The following EXTL3 variants were observed in gnomAD, a reference collection of about 807,000 sequenced individuals.
The protein encoded by EXTL3 is exostosin-like 3.
Under a neutral mutation model 69.3 loss-of-function variants are expected in EXTL3, and 27 were observed. The ratio of observed to expected loss-of-function variants is 0.39; its 90% CI spans 0.29 to 0.54. The LOEUF (loss-of-function observed/expected upper bound fraction) is 0.54, where lower values mean the gene tolerates loss of function less well. Ranked by LOEUF, EXTL3 falls within the 20% of genes least tolerant of loss-of-function variation. EXTL3 has a pLI of 0.69. For synonymous variants in EXTL3, 511 were observed against 499.4 expected (o/e 1.02, Z -0.31); for missense variants, 1,003 against 1,231.8 (o/e 0.81, Z 2.78).
At chr8:28,646,291 G>A (rs2130594194) in intron 1 of EXTL3, among the ~76,000 whole-genome samples, 1 of 152,298 alleles carries the variant, frequency 6.6e-6, no homozygotes, top group Admixed American at 6.5e-5. Flanking sequence ...CTTGTGAAAA[G>A]GAACACATTT....
chr8:28,717,798 C>T lies in EXTL3; in HGVS notation c.1739C>T (p.Thr580Met), dbSNP rs923182549. ...NGDLDLGPVE[T>M]EPPYASPRYL... Reference sequence around the variant, plus strand: ...GACCTGGACCTGGGGCCAGTGGAGACGGAGCCGCCCTACGCCTCACCCAGA... The same window carrying T: ...GACCTGGACCTGGGGCCAGTGGAGATGGAGCCGCCCTACGCCTCACCCAGA... The change falls in exon 3 of 7, where the codon ACG becomes ATG. Residue 580 changes from threonine (T) to methionine (M), a missense_variant. By Grantham distance (81) the Thr-to-Met change is moderately conservative. Transcript: ENST00000220562. This position sits in a 1 kb window ranked among gnomAD's most constrained non-coding sequence, Gnocchi z 8.3. The T allele has an allele frequency of 1.1e-5, 17 of 1,612,842 alleles. No individual in the cohort carries two copies. The Admixed American group carries it at 1.3e-4, about 13-fold the overall frequency.
At chr8:28,632,021 G>A (rs1424259322) in intron 1 of EXTL3, among the ~76,000 whole-genome samples, 2 of 151,912 alleles carry the variant, frequency 1.3e-5, no homozygotes, top group Admixed American at 1.3e-4. Flanking sequence ...CTGGGAGGCG[G>A]AGGTTGCAGT....
chr8:28,626,911 G>C (rs1806500134), intron 1 of EXTL3, among the ~76,000 whole-genome samples: 2 of 152,174 alleles, frequency 1.3e-5, no homozygotes, highest in Admixed American at 1.3e-4. Context: ...GGCTGGGCGT[G>C]GTGGCTCATG....
intron 1 of EXTL3, among the ~76,000 whole-genome samples, chr8:28,639,408 C>T (rs1047041382): frequency 1.3e-5 from 2 of 152,206 alleles, no homozygotes; most frequent in Non-Finnish European, 2.9e-5. Flanking sequence ...TGCTGCTCTG[C>T]AGTCCGCTTT....
chr8:28,717,769 C>T lies in EXTL3; in HGVS notation c.1710C>T (p.Asn570=), dbSNP rs1241548840. 1.4e-5 allele frequency: 23 copies of T among 1,613,852 alleles called. No individual in the cohort carries two copies. The highest frequency in any genetic ancestry group is 4.5e-5 in the East Asian group (2 of 44,884). The change falls in exon 3 of 7, where the codon AAC becomes AAT. Residue 570 remains asparagine, a synonymous_variant. Coordinates refer to ENST00000220562, the MANE Select transcript of EXTL3 (RefSeq NM_001440.4). This position sits in a 1 kb window ranked among gnomAD's most constrained non-coding sequence, Gnocchi z 8.3. Reference sequence around the variant, plus strand: ...GAACTGACCCCAACATGGCTGACAACGGGGACCTGGACCTGGGGCCAGTGG... The same window carrying T: ...GAACTGACCCCAACATGGCTGACAATGGGGACCTGGACCTGGGGCCAGTGG... ...AAGTDPNMAD[N]GDLDLGPVET... is the part of the protein sequence containing the mutation.
rs902962562 is a variant in EXTL3, at chr8:28,722,795, AAG to A, written c.2148+4594_2148+4595del. Among the ~76,000 whole-genome samples, 13 of 151,020 alleles carry A rather than the reference AAG, an allele frequency of 8.6e-5. No individual in the cohort carries two copies. In the East Asian group the frequency reaches 1.9e-3, roughly 23 times the overall value. On this transcript the variant is annotated intron_variant, in intron 3 of 6. Transcript: ENST00000220562. ...TCTCTAAAAAAAAAAAAAAAAAAAAAAGAGAGATACAAGATTATTATTTTTCA... is the reference window on the plus strand; with the variant it reads ...TCTCTAAAAAAAAAAAAAAAAAAAAAAGAGATACAAGATTATTATTTTTCA...
upstream of EXTL3, among the ~76,000 whole-genome samples, chr8:28,618,896 A>G (rs967441194): frequency 6.6e-6 from 1 of 151,586 alleles, no homozygotes; most frequent in African/African-American, 2.4e-5. Context: ...CATCCTGGCT[A>G]ACACGATGAA....
intron 3 of EXTL3, among the ~76,000 whole-genome samples, chr8:28,730,442 C>A (rs1019944980): frequency 2.4e-4 from 36 of 152,132 alleles, no homozygotes; most frequent in African/African-American, 8.7e-4. Flanking sequence ...TATTAGGTGG[C>A]AAGGTGAATA....
upstream of EXTL3, chr8:28,622,688 G>A (rs1245514137): frequency 6.7e-5 from 10 of 149,816 alleles, no homozygotes; most frequent in South Asian, 2.1e-4. Flanking sequence ...GGCCGGGGAT[G>A]CGGTGAGCCG....
chr8:28,690,958 T>C lies in EXTL3; in HGVS notation c.-52-22499T>C, dbSNP rs1321111926. Among the ~76,000 whole-genome samples the C allele has an allele frequency of 3.3e-5, 5 of 151,822 alleles. No homozygotes were observed. The East Asian group carries it at 7.8e-4, about 24-fold the overall frequency. On this transcript the variant is annotated intron_variant, in intron 1 of 6. Coordinates refer to the EXTL3 transcript ENST00000523149. ...TTTCAGAGGCTGGCTGCCATGGGAG[T>C]CTCCAAAAACATTCTGTATTGCAGG... is the stretch of plus-strand genomic sequence containing the variant.
chr8:28,613,770 T>A (rs755217304), intron 2 of EXTL3, among the ~76,000 whole-genome samples: 3 of 152,228 alleles, frequency 2.0e-5, no homozygotes, highest in Non-Finnish European at 4.4e-5. Context: ...CATAATATTC[T>A]TTAATGATCC....
intron 1 of EXTL3, among the ~76,000 whole-genome samples, chr8:28,632,135 G>A (rs1806579327): frequency 6.7e-6 from 1 of 148,646 alleles, no homozygotes; most frequent in Admixed American, 6.7e-5. Flanking sequence ...GGCCAGGCGT[G>A]GTGGCTCACG....
chr8:28,736,859 G>A (rs1428625248), intron 4 of EXTL3, among the ~76,000 whole-genome samples: 3 of 152,194 alleles, frequency 2.0e-5, no homozygotes. Flanking sequence ...GCCAAGGGAG[G>A]TGGTGCAATC....
rs761888477 is a variant in EXTL3 at position 28,716,221 on chromosome 8, G to GGATGAGGCT, written c.171_179dup (p.Asp58_Ala60dup). On this transcript the variant is annotated inframe_insertion, in exon 3 of 7. Transcript: ENST00000220562. This position sits in a 1 kb window ranked among gnomAD's most constrained non-coding sequence, Gnocchi z 7.1. The stretch of plus-strand genomic sequence containing the variant: ...TCGCCCACTATTACCTCACCACTCT[G>GGATGAGGCT]GATGAGGCTGATGAGGCAGGCAAGC... 1.5e-5 allele frequency: 24 copies of GGATGAGGCT among 1,614,208 alleles called. No individual in the cohort carries two copies. The East Asian group carries it at 5.1e-4, about 34-fold the overall frequency.
At chr8:28,742,472 G>C (rs1801800182) in intron 5 of EXTL3, 1 of 163,520 alleles carries the variant, frequency 6.1e-6, no homozygotes, top group South Asian at 1.7e-4. Flanking sequence ...CAGTTGGTTT[G>C]AGTGTTAACA....
chr8:28,633,969 G>A (rs1459493641), intron 1 of EXTL3, among the ~76,000 whole-genome samples: 2 of 152,136 alleles, frequency 1.3e-5, no homozygotes, highest in African/African-American at 4.8e-5. Context: ...TTTCAGACAC[G>A]GAATCTGGTA....
intron 3 of EXTL3, among the ~76,000 whole-genome samples, chr8:28,726,596 C>CT (rs1801417136): frequency 6.6e-6 from 1 of 152,108 alleles, no homozygotes; most frequent in Non-Finnish European, 1.5e-5. Context: ...AGATAATTCT[C>CT]TGTTGTGGGG....
intron 5 of EXTL3, among the ~76,000 whole-genome samples, chr8:28,738,677 C>G (rs898560846): frequency 1.3e-5 from 2 of 152,238 alleles, no homozygotes; most frequent in African/African-American, 4.8e-5. Flanking sequence ...GAGGACAGTG[C>G]TCCCATTAGC....
In EXTL3 at chr8:28,754,720, A is replaced by T. The variant is rs1585306660; in HGVS notation, c.*3854A>T. On this transcript the variant is annotated 3_prime_UTR_variant, in exon 7 of 7. Transcript: ENST00000220562. ...CCAAGGTGGTAAATGTTAGCTGTTG[A>T]TGGGATCATCACTGAAGTGGAAGGC... 6.6e-6 allele frequency: 1 copy of T among 152,126 alleles called. No homozygotes were observed. The highest frequency in any genetic ancestry group is 2.1e-4 in the South Asian group (1 of 4,812). The allele number at this position is 152,126 out of a possible 1,614,324, so 9.4% of individuals were successfully genotyped here. A position where few individuals can be genotyped will look rare whatever the true frequency, so the allele number is the denominator to read the frequency against.
Sources: gnomAD v4.1 joint callset for allele counts (sites outside exome capture counted in the v4.1 genomes callset) on GRCh38, gnomAD v4.1.1 for gene constraint, Gnocchi (gnomAD v3.1) non-coding constraint, MANE v1.5 for transcripts, NCBI Gene and HGNC (gene_info 2026-07-23, HGNC 2026-07-21) for gene names.